Variants in ZNF532 observed in about 807,000 individuals in gnomAD.
ZNF532 encodes the protein zinc finger protein 532.
ZNF532 carries 22 observed loss-of-function variants against 89.3 expected under a neutral mutation model. That is an observed-to-expected ratio of 0.25 (90% CI 0.18 to 0.35). The LOEUF (loss-of-function observed/expected upper bound fraction) is 0.35, where lower values mean the gene tolerates loss of function less well. Ranked by LOEUF, ZNF532 falls within the 10% of genes least tolerant of loss-of-function variation. ZNF532 has a pLI of 1.00. For missense variants in ZNF532, 1,132 were observed against 1,643.4 expected, an observed-to-expected ratio of 0.69 and a Z score of 5.38; for synonymous variants, 606 against 649.6, an observed-to-expected ratio of 0.93 and a Z score of 1.02.
intron 2 of ZNF532, among the ~76,000 whole-genome samples, chr18:58,868,883 T>TA (rs2144509149): frequency 6.6e-6 from 1 of 152,336 alleles, no homozygotes; most frequent in Admixed American, 6.5e-5. Context: ...AGAATGTACT[T>TA]ACACAAACCT....
chr18:58,983,867 T>G, intron 9 of ZNF532, 105 bp from the exon 10 acceptor site: 3 of 1,429,706 alleles, frequency 2.1e-6, no homozygotes, highest in Non-Finnish European at 2.8e-6. Flanking sequence ...CCCAAAGCGT[T>G]CAGCACAAGT....
chr18:58,905,285 T>C (rs1023135868), intron 2 of ZNF532, among the ~76,000 whole-genome samples: 1 of 152,214 alleles, frequency 6.6e-6, no homozygotes, highest in Non-Finnish European at 1.5e-5. Flanking sequence ...AATTACTTCT[T>C]TTTTTAGGTT....
chr18:58,867,867 G>A (rs1483862710), intron 2 of ZNF532, among the ~76,000 whole-genome samples: 3 of 152,188 alleles, frequency 2.0e-5, no homozygotes, highest in Non-Finnish European at 2.9e-5. Flanking sequence ...GAGCACACAC[G>A]CTCTCTTTTT....
Position 58,897,406 on chromosome 18 carries a change from G to A in ZNF532, c.-17-20865G>A, listed in dbSNP as rs185052094. On this transcript the variant is annotated intron_variant, in intron 2 of 9. Transcript: ENST00000591808. ...CTGAATAATACTTTCACATATACAC[G>A]AAACCTGATTTTGCAATCTAAAATG... Among the ~76,000 whole-genome samples the A allele has an allele frequency of 1.6e-3, 246 of 152,204 alleles. 1 individual carries two copies. Among genetic ancestry groups the A allele is most frequent in the East Asian group, 2.7e-3 (14 of 5,190 alleles).
intron 7 of ZNF532, among the ~76,000 whole-genome samples, chr18:58,976,547 A>ATT (rs5825310): frequency 0.17 from 25,683 of 150,500 alleles, 2,880 homozygotes; most frequent in East Asian, 0.57. Flanking sequence ...CTTTCAGTTG[A>ATT]TTTTTTTTTT....
At chr18:58,965,567 TGTA>T (rs1326552618) in intron 7 of ZNF532, among the ~76,000 whole-genome samples, 3 of 152,248 alleles carry the variant, frequency 2.0e-5, no homozygotes, top group African/African-American at 4.8e-5. Flanking sequence ...CTGCTTTTGA[TGTA>T]GTCATTTTCA....
intron 7 of ZNF532, among the ~76,000 whole-genome samples, chr18:58,971,278 T>TG (rs1491172027): frequency 1.3e-5 from 2 of 152,124 alleles, no homozygotes; most frequent in Non-Finnish European, 2.9e-5. Context: ...GCATGGCATA[T>TG]GAAAAAAAAG....
intron 7 of ZNF532, among the ~76,000 whole-genome samples, chr18:58,968,135 AG>A (rs2147355310): frequency 6.6e-6 from 1 of 152,334 alleles, no homozygotes; most frequent in South Asian, 2.1e-4. Context: ...TTGGAGACCA[AG>A]GAAGATATTT....
intron 7 of ZNF532, among the ~76,000 whole-genome samples, chr18:58,972,486 T>C (rs1311288611): frequency 6.6e-6 from 1 of 152,184 alleles, no homozygotes; most frequent in Non-Finnish European, 1.5e-5. Flanking sequence ...TATTTGAGTC[T>C]GAAGTCTAAA....
Position 58,920,193 on chromosome 18 carries a change from G to A in ZNF532, c.1906G>A (p.Asp636Asn), listed in dbSNP as rs1484318029. The A allele has an allele frequency of 3.1e-6, 5 of 1,613,724 alleles. No individual in the cohort carries two copies. The highest frequency in any genetic ancestry group is 4.2e-6 in the Non-Finnish European group (5 of 1,179,676). Reference protein sequence around the residue: ...ALEKSLTQHYDRRSVRIEVTC... With the variant: ...ALEKSLTQHYNRRSVRIEVTC... ...TGAAAAGAGTCTGACCCAGCACTAC[G>A]ACAGACGGAGCGTGCGCATCGAAGT... Residue 636 changes from aspartate to asparagine, a missense_variant, in exon 3 of 10, where the codon GAC becomes AAC. Coordinates refer to ENST00000591808, the MANE Select transcript of ZNF532 (RefSeq NM_001375912.1).
At chr18:58,873,342 C>T (rs999430876) in intron 2 of ZNF532, among the ~76,000 whole-genome samples, 18 of 152,174 alleles carry the variant, frequency 1.2e-4, no homozygotes, top group African/African-American at 3.9e-4. Context: ...GGTATTTAAT[C>T]CTCCTCCTAT....
intron 2 of ZNF532, among the ~76,000 whole-genome samples, chr18:58,913,528 A>T (rs1197821327): frequency 6.6e-6 from 1 of 151,996 alleles, no homozygotes; most frequent in African/African-American, 2.4e-5. Flanking sequence ...AGGCAGGAGG[A>T]TTGTTTGAGC....
chr18:58,977,091 G>C (rs2067144528), intron 7 of ZNF532, among the ~76,000 whole-genome samples: 1 of 152,124 alleles, frequency 6.6e-6, no homozygotes, highest in Non-Finnish European at 1.5e-5. Context: ...GTTTCCCCCA[G>C]AGATGAACAG....
chr18:58,938,488 C>G (rs1051865367), intron 4 of ZNF532, among the ~76,000 whole-genome samples: 2 of 152,204 alleles, frequency 1.3e-5, no homozygotes, highest in Non-Finnish European at 1.5e-5. Flanking sequence ...AGGAGGTTAG[C>G]TAGACAATTT....
intron 6 of ZNF532, among the ~76,000 whole-genome samples, chr18:58,951,019 T>C (rs2064110061): frequency 6.6e-6 from 1 of 151,706 alleles, no homozygotes; most frequent in Non-Finnish European, 1.5e-5. Context: ...TACAGTGGCA[T>C]ATCAGGGCTC....
At position 58,865,208 on chromosome 18, in the gene ZNF532, T is replaced by TA. The variant is rs2056346366; in HGVS notation, c.-304dup. ...GTCTCTCTCTCTCTTTCTCGGTGTT[T>TA]ATAACAAAACAAAACCAAAATGAAC... is the stretch of plus-strand genomic sequence containing the variant. On this transcript the variant is annotated 5_prime_UTR_variant, in exon 1 of 10. An upstream open reading frame in the 5' UTR gains an earlier in-frame stop. Transcript: ENST00000591808. 1 of 152,126 alleles carries TA rather than the reference T, an allele frequency of 6.6e-6. No homozygotes were observed. Among genetic ancestry groups the TA allele is most frequent in the Non-Finnish European group, 1.5e-5 (1 of 68,020 alleles). The allele number at this position is 152,126 out of a possible 1,614,324, so 9.4% of individuals were successfully genotyped here. A position where few individuals can be genotyped will look rare whatever the true frequency, so the allele number is the denominator to read the frequency against.
At chr18:58,968,534 G>A (rs58664026) in intron 7 of ZNF532, among the ~76,000 whole-genome samples, 5,545 of 152,238 alleles carry the variant, frequency 0.036, 102 homozygotes, top group East Asian at 0.06. Context: ...CCAGGCCAGT[G>A]CCTCCCTGAA....
In ZNF532 at chr18:58,906,165, C is replaced by T. The variant is rs188468172; in HGVS notation, c.-17-12106C>T. ...TTTTCTCCCCTTTCCGTACTGTCCT[C>T]GGAAGAAAGTCATTGAAGGGGCAGG... On this transcript the variant is annotated intron_variant, in intron 2 of 9. Transcript: ENST00000591808. Among the ~76,000 whole-genome samples, 437 of 152,234 alleles carry T rather than the reference C, an allele frequency of 2.9e-3. 3 individuals are homozygous for T. Among genetic ancestry groups the T allele is most frequent in the Non-Finnish European group, 4.3e-3 (291 of 68,022 alleles).
chr18:58,892,499 T>C (rs2058969944), intron 2 of ZNF532, among the ~76,000 whole-genome samples: 2 of 152,246 alleles, frequency 1.3e-5, no homozygotes, highest in African/African-American at 4.8e-5. Context: ...ATGTTACCAG[T>C]TGATCTCTGG....
Sources: allele counts gnomAD v4.1 joint callset (sites outside exome capture counted in the v4.1 genomes callset), GRCh38; gene constraint gnomAD v4.1.1; transcripts MANE v1.5; gene names NCBI Gene and HGNC (gene_info 2026-07-23, HGNC 2026-07-21).